RRN3: variants seen among roughly 807,000 people sequenced by gnomAD.
RRN3 encodes the protein RNA polymerase I-specific transcription initiation factor RRN3.
Under a neutral mutation model 82.3 loss-of-function variants are expected in RRN3, and 38 were observed. The observed-to-expected ratio is 0.46, with a 90% confidence interval of 0.36 to 0.61. The LOEUF is 0.61. Ranked by LOEUF, RRN3 falls within the 20% of genes least tolerant of loss-of-function variation. The pLI, the probability that RRN3 is intolerant of heterozygous loss-of-function variation, is 0.00. For missense variants in RRN3, 726 were observed against 793.1 expected (o/e 0.92, Z 1.02); for synonymous variants, 284 against 284.3 (o/e 1.00, Z 0.01).
intron 14 of RRN3, among the ~76,000 whole-genome samples, chr16:15,068,883 T>C (rs1054051916): frequency 1.3e-5 from 2 of 152,200 alleles, no homozygotes; most frequent in African/African-American, 2.4e-5. Flanking sequence ...GCTGACCAAC[T>C]TGTACTTAAG....
chr16:15,084,008 G>A (rs879335651), intron 7 of RRN3, among the ~76,000 whole-genome samples: 6 of 152,200 alleles, frequency 3.9e-5, no homozygotes, highest in South Asian at 2.1e-4. Flanking sequence ...GAGCCACCGC[G>A]CCCGGCCAGA....
intron 8 of RRN3, among the ~76,000 whole-genome samples, chr16:15,080,459 G>A (rs1290715316): frequency 6.6e-6 from 1 of 152,120 alleles, no homozygotes; most frequent in Non-Finnish European, 1.5e-5. Context: ...TTTAGAGACA[G>A]GGTCTTGCTC....
intron 9 of RRN3, among the ~76,000 whole-genome samples, chr16:15,079,670 G>C (rs1347664940): frequency 6.6e-6 from 1 of 151,426 alleles, no homozygotes; most frequent in African/African-American, 2.4e-5. Flanking sequence ...TCAGCTCACT[G>C]CAAGATCTGC....
At chr16:15,064,938 G>C (rs927373813) in intron 16 of RRN3, among the ~76,000 whole-genome samples, 12 of 152,134 alleles carry the variant, frequency 7.9e-5, no homozygotes, top group Non-Finnish European at 1.6e-4. Flanking sequence ...AGGCCGAGGC[G>C]GGCGGATCAC....
chr16:15,065,411 T>C, intron 15 of RRN3, 40 bp from the exon 16 acceptor site: 1 of 1,589,962 alleles, frequency 6.3e-7, no homozygotes, highest in Middle Eastern at 1.7e-4. Context: ...GGCATTAACA[T>C]GCTGGAGTGA....
chr16:15,093,527 A>G (rs1479575644), intron 1 of RRN3, among the ~76,000 whole-genome samples: 1 of 152,164 alleles, frequency 6.6e-6, no homozygotes, highest in East Asian at 1.9e-4. Context: ...CACTGTCCCC[A>G]GTGTTTAACA....
intron 2 of RRN3, 88 bp from the exon 3 acceptor site, chr16:15,091,459 A>T (rs865889268): frequency 3.7e-4 from 309 of 844,098 alleles, no homozygotes; most frequent in Admixed American, 1.7e-3. Flanking sequence ...TTAACATCAG[A>T]TGAAATTATA....
rs1025828465 is a variant in RRN3, at chr16:15,061,870, T to C, written c.1830A>G (p.Lys610=). 6.2e-7 allele frequency: 1 copy of C among 1,613,410 alleles called. No individual in the cohort carries two copies. Among genetic ancestry groups the C allele is most frequent in the Non-Finnish European group, 8.5e-7 (1 of 1,179,334 alleles). Residue 610 remains lysine, a synonymous_variant, in exon 18 of 18, where the codon AAA becomes AAG. Transcript: ENST00000198767. ...IVEDEDDDFL[K]GEVPQNDTVI... ...CGGTATCATTCTGGGGCACTTCGCC[T>C]TTCAGAAAGTCATCATCTTCATCTT...
In RRN3 at chr16:15,085,645, C is replaced by T. The variant is rs769530774; in HGVS notation, c.526G>A (p.Asp176Asn). 73 of 1,613,144 alleles carry T rather than the reference C, an allele frequency of 4.5e-5. No homozygotes were observed. Among genetic ancestry groups the T allele is most frequent in the Non-Finnish European group, 5.8e-5 (69 of 1,179,520 alleles). The part of the protein sequence containing the change: ...DVDVSDSDDE[D>N]DNLPANFDTC... ...TAAACCTTTTTATACTTACTATCAT[C>T]TTCATCATCAGAATCTGAAACATCT... The change falls in exon 6 of 18, where the codon GAT (aspartate) becomes AAT (asparagine). Residue 176 changes from aspartate to asparagine, a missense_variant. Physicochemically the swap from Asp to Asn is conservative, Grantham distance 23. Around this residue, in one of 4 missense-constraint regions of RRN3, gnomAD observed 344 missense variants for 394.5 expected, o/e 0.87. Transcript: ENST00000198767.
chr16:15,086,117 G>A lies in RRN3; in HGVS notation c.472+12C>T. 6.2e-7 allele frequency: 1 copy of A among 1,606,408 alleles called. No individual in the cohort carries two copies. The highest frequency in any genetic ancestry group is 8.5e-7 in the Non-Finnish European group (1 of 1,176,504). ...TATTAAAAAGAAAATAAAATTCCAA[G>A]CAATGACTTACGAGGCACAAAATGG... On this transcript the variant is annotated intron_variant, in intron 5 of 17. Coordinates refer to ENST00000198767, the MANE Select transcript of RRN3 (RefSeq NM_018427.5).
chr16:15,062,428 C>T (rs2044751447), intron 17 of RRN3, among the ~76,000 whole-genome samples: 1 of 152,042 alleles, frequency 6.6e-6, no homozygotes, highest in African/African-American at 2.4e-5. Flanking sequence ...TTAAAAACAA[C>T]AACAAAAAAG....
chr16:15,065,487 A>G, intron 15 of RRN3, 116 bp from the exon 16 acceptor site: 1 of 753,062 alleles, frequency 1.3e-6, no homozygotes, highest in Non-Finnish European at 2.1e-6. Flanking sequence ...GAATATAACA[A>G]GTGCTAGTAA....
At chr16:15,092,888 A>G (rs150910120) in intron 1 of RRN3, among the ~76,000 whole-genome samples, 43 of 152,232 alleles carry the variant, frequency 2.8e-4, no homozygotes, top group African/African-American at 1.0e-3. Flanking sequence ...CTCATCTCCA[A>G]CAACTTGTTT....
chr16:15,065,811 G>A (rs2044945756), intron 15 of RRN3, among the ~76,000 whole-genome samples: 1 of 152,154 alleles, frequency 6.6e-6, no homozygotes, highest in African/African-American at 2.4e-5. Context: ...ATAGTGGTTG[G>A]TGAAGAGACT....
chr16:15,081,382 T>G (rs920161712), intron 8 of RRN3, among the ~76,000 whole-genome samples: 4 of 152,212 alleles, frequency 2.6e-5, no homozygotes, highest in Admixed American at 6.5e-5. Flanking sequence ...TTGTGAACAC[T>G]TGTTACTGTC....
chr16:15,073,618 C>G (rs1256035878), intron 11 of RRN3, among the ~76,000 whole-genome samples: 2 of 152,204 alleles, frequency 1.3e-5, no homozygotes, highest in Non-Finnish European at 2.9e-5. Context: ...GCAAACCCTT[C>G]TGAAGAGCAA....
intron 8 of RRN3, among the ~76,000 whole-genome samples, chr16:15,082,741 T>C (rs1412887668): frequency 6.6e-6 from 1 of 152,090 alleles, no homozygotes; most frequent in Admixed American, 6.6e-5. Context: ...GGTACATAAT[T>C]CTTTTTGTAT....
At position 15,061,306 on chromosome 16, in the gene RRN3, A is replaced by C. The variant is rs1394196406; in HGVS notation, c.*438T>G. 6.2e-6 allele frequency: 1 copy of C among 162,502 alleles called. No individual in the cohort carries two copies. The highest frequency in any genetic ancestry group is 1.3e-5 in the Non-Finnish European group (1 of 75,272). 10.1% of individuals were successfully genotyped at this position (162,502 alleles called of 1,614,324 possible). A position where few individuals can be genotyped will look rare whatever the true frequency, so the allele number is the denominator to read the frequency against. ...TTTCTAGTTAAAGTCTTTAAATAGA[A>C]GTTTTATCTTAGAGGATTCTTCACT... On this transcript the variant is annotated 3_prime_UTR_variant, in exon 18 of 18. Transcript: ENST00000198767.
chr16:15,079,208 C>G (rs1175832980), intron 9 of RRN3, among the ~76,000 whole-genome samples: 1 of 152,178 alleles, frequency 6.6e-6, no homozygotes, highest in African/African-American at 2.4e-5. Context: ...TCTGCCTCCC[C>G]TCCTCCAAAC....
Sources: gnomAD v4.1 joint callset for allele counts (sites outside exome capture counted in the v4.1 genomes callset) on GRCh38, gnomAD v4.1.1 for gene constraint, gnomAD v4.1.1 regional missense constraint, MANE v1.5 for transcripts, NCBI Gene and HGNC (gene_info 2026-07-23, HGNC 2026-07-21) for gene names.